The following ESYT1 variants were observed in gnomAD, a reference collection of about 807,000 sequenced individuals.
ESYT1 encodes the protein extended synaptotagmin 1.
A neutral mutation model predicts 154.2 loss-of-function variants in ESYT1; 116 were observed. That is an observed-to-expected ratio of 0.75 (90% CI 0.65 to 0.88). The LOEUF is 0.88. Among genes scored for constraint, ESYT1 ranks in the 40% least tolerant of loss-of-function variants. The probability of loss-of-function intolerance (pLI) is 0.00; values close to 1 mark genes in which losing one functional copy is unlikely to be tolerated. For synonymous variants in ESYT1, 500 were observed against 539.9 expected, an observed-to-expected ratio of 0.93 and a Z score of 1.02; for missense variants, 1,264 against 1,379.3, an observed-to-expected ratio of 0.92 and a Z score of 1.32.
rs201656600 is a variant in ESYT1 at position 56,136,863 on chromosome 12, C to T, written c.1752C>T (p.Asn584=). The T allele has an allele frequency of 4.2e-5, 67 of 1,610,240 alleles. No homozygotes were observed. The highest frequency in any genetic ancestry group is 8.5e-6 in the Non-Finnish European group (10 of 1,177,700). ...TCCAGCTCAGCAGCTCTGGTCCAAA[C>T]TCCAGACTCTATATGAAACTAGTCA... The part of the protein sequence containing the change: ...QWFQLSSSGP[N]SRLYMKLVMR... Residue 584 remains asparagine, a synonymous_variant, in exon 16 of 31, where the codon AAC becomes AAT. Transcript: ENST00000394048.
chr12:56,135,362 G>A (rs1232001031), intron 15 of ESYT1, among the ~76,000 whole-genome samples: 1 of 150,666 alleles, frequency 6.6e-6, no homozygotes, highest in East Asian at 2.1e-4. Context: ...AGTAGAGACG[G>A]GGTTTCTCCA....
At chr12:56,131,855 G>T in intron 7 of ESYT1, 51 bp downstream of exon 7, 3 of 1,579,228 alleles carry the variant, frequency 1.9e-6, no homozygotes, top group Non-Finnish European at 2.6e-6. Flanking sequence ...CTGGGTTGGG[G>T]GTTTAAGGGA....
In ESYT1 at chr12:56,137,873, A is replaced by C; in HGVS notation, c.2157A>C (p.Glu719Asp). Reference sequence around the variant, plus strand: ...TTCCAGGCCAAGAGCTAGAGGTTGAAGTCTTTGACAAGGACTTGGACAAGG... The same window carrying C: ...TTCCAGGCCAAGAGCTAGAGGTTGACGTCTTTGACAAGGACTTGGACAAGG... ...TSVPGQELEVEVFDKDLDKDD... is the reference protein window; with the variant it reads ...TSVPGQELEVDVFDKDLDKDD... Residue 719 changes from glutamate to aspartate, a missense_variant, in exon 19 of 31, where the codon GAA becomes GAC. By Grantham distance (45) the Glu-to-Asp change is conservative. Coordinates refer to ENST00000394048, the MANE Select transcript of ESYT1 (RefSeq NM_015292.3). 1.2e-6 allele frequency: 2 copies of C among 1,614,190 alleles called. No homozygotes were observed. The highest frequency in any genetic ancestry group is 1.3e-5 in the African/African-American group (1 of 75,040).
chr12:56,134,568 T>G, intron 15 of ESYT1, 140 bp downstream of exon 15: 1 of 714,776 alleles, frequency 1.4e-6, no homozygotes, highest in Non-Finnish European at 2.5e-6. Context: ...TGAATATCTC[T>G]CCATTGTTCC....
Position 56,142,818 on chromosome 12 carries a change from C to G in ESYT1, c.2889-17C>G. ...TAGGCTCTAGCTTTCCCCAGACCTA[C>G]TGATATTTCTCCACAGTCCCCTTGA... On this transcript the variant is annotated splice_polypyrimidine_tract_variant and intron_variant, in intron 26 of 30. Coordinates refer to ENST00000394048, the MANE Select transcript of ESYT1 (RefSeq NM_015292.3). The surrounding 1 kb of genome is among the most constrained non-coding windows in gnomAD (Gnocchi z 4.1). The G allele has an allele frequency of 1.2e-6, 2 of 1,614,042 alleles. No homozygotes were observed. The highest frequency in any genetic ancestry group is 1.7e-6 in the Non-Finnish European group (2 of 1,179,924).
rs78188443 is a variant in ESYT1 at position 56,138,509 on chromosome 12, C to T, written c.2433+10C>T. ...GGCAGAGGACCTCCCGGTGAGATCCCGCTCCCCATGCCCCATAACTTCCTG... is the reference window on the plus strand; with the variant it reads ...GGCAGAGGACCTCCCGGTGAGATCCTGCTCCCCATGCCCCATAACTTCCTG... On this transcript the variant is annotated intron_variant, in intron 22 of 30. Transcript: ENST00000394048. The T allele has an allele frequency of 0.011, 17,591 of 1,594,084 alleles. 124 individuals carry two copies. Among genetic ancestry groups the T allele is most frequent in the Non-Finnish European group, 0.013 (15,198 of 1,170,612 alleles).
chr12:56,143,235 TGGGAACTCCCCCTGGATGA>T lies in ESYT1; in HGVS notation c.3130_3148del (p.Glu1044ProfsTer31). ...CATCCAGTCCTACCCCAGGTTTGAG[TGGGAACTCCCCCTGGATGA>T]GGCCCAGAGACGAAAGCTGGATGTC... On this transcript the variant is annotated frameshift_variant, in exon 29 of 31. Transcript: ENST00000394048. LOFTEE classifies it high-confidence loss of function. 6.2e-7 allele frequency: 1 copy of T among 1,614,048 alleles called. No homozygotes were observed. Among genetic ancestry groups the T allele is most frequent in the Non-Finnish European group, 8.5e-7 (1 of 1,179,976 alleles).
In ESYT1 at chr12:56,133,698, G is replaced by T. The variant is rs1592245637; in HGVS notation, c.1380+24G>T. The T allele has an allele frequency of 5.6e-6, 9 of 1,613,974 alleles. No homozygotes were observed. The East Asian group carries it at 2.0e-4, about 36-fold the overall frequency. On this transcript the variant is annotated intron_variant, in intron 12 of 30. Transcript: ENST00000394048. ...AGGTAAGCCACATGGGAAATAGGAA[G>T]CTGGCAGGGGAGAAATAGGTAGCTG...
At position 56,128,500 on chromosome 12, in the gene ESYT1, C is replaced by T. The variant is rs1337438773; in HGVS notation, c.181C>T (p.Arg61Trp). The T allele has an allele frequency of 3.1e-6, 5 of 1,611,436 alleles. No individual in the cohort carries two copies. The Admixed American group carries it at 6.7e-5, about 22-fold the overall frequency. The change falls in exon 1 of 31, where the codon CGG (arginine) becomes TGG (tryptophan). Residue 61 changes from arginine to tryptophan, a missense_variant. Transcript: ENST00000394048. ...GGCGGTGCTGACTTCATTCGGGAGG[C>T]GGTTGCTGGTGCTGATACCTGTGTA... is the stretch of plus-strand genomic sequence containing the variant. Reference protein sequence around the residue: ...ALAVLTSFGRRLLVLIPVYLA... With the variant: ...ALAVLTSFGRWLLVLIPVYLA...
In ESYT1 at chr12:56,142,142, C is replaced by A. The variant is rs1870725411; in HGVS notation, c.2593-143C>A. On this transcript the variant is annotated intron_variant, in intron 24 of 30. Coordinates refer to ENST00000394048, the MANE Select transcript of ESYT1 (RefSeq NM_015292.3). This position sits in a 1 kb window ranked among gnomAD's most constrained non-coding sequence, Gnocchi z 4.1. ...GAAGGACAGAGGGAGGGACTAGCAA[C>A]TGTTACCATGGCTTCCCTGCCTTTC... 2 of 881,930 alleles carry A rather than the reference C, an allele frequency of 2.3e-6. No individual in the cohort carries two copies. The highest frequency in any genetic ancestry group is 3.5e-6 in the Non-Finnish European group (2 of 576,576). 54.6% of individuals were successfully genotyped at this position (881,930 alleles called of 1,614,324 possible). A position where few individuals can be genotyped will look rare whatever the true frequency, so the allele number is the denominator to read the frequency against.
chr12:56,142,623 T>C lies in ESYT1; in HGVS notation c.2779T>C (p.Tyr927His). The C allele has an allele frequency of 6.2e-7, 1 of 1,613,930 alleles. No homozygotes were observed. Among genetic ancestry groups the C allele is most frequent in the Non-Finnish European group, 8.5e-7 (1 of 1,180,010 alleles). Residue 927 changes from tyrosine to histidine, a missense_variant, in exon 26 of 31, where the codon TAC becomes CAC. Transcript: ENST00000394048. This position sits in a 1 kb window ranked among gnomAD's most constrained non-coding sequence, Gnocchi z 4.1. ...GGGAGTGGAAGCTCATAGCCACAGC[T>C]ACAGCCACAGCTCCTCATCGCTGAG... is the stretch of plus-strand genomic sequence containing the variant. ...HSGVEAHSHS[Y>H]SHSSSSLSEE... is the part of the protein sequence containing the mutation.
Position 56,137,534 on chromosome 12 carries a change from C to T in ESYT1, c.1974C>T (p.Asp658=). ...VLRIHVLEAQ[D]LIAKDRFLGG... ...GGATCCATGTATTAGAGGCCCAGGA[C>T]CTGATTGCCAAAGACCGTTTCTTGG... Residue 658 remains aspartate (D), a synonymous_variant, in exon 18 of 31, where the codon GAC becomes GAT. Transcript: ENST00000394048. 1 of 1,614,036 alleles carries T rather than the reference C, an allele frequency of 6.2e-7. No homozygotes were observed. Among genetic ancestry groups the T allele is most frequent in the East Asian group, 2.2e-5 (1 of 44,882 alleles).
rs1436299094 is a variant in ESYT1 at position 56,142,844 on chromosome 12, G to A, written c.2898G>A (p.Glu966=). 4 of 1,614,098 alleles carry A rather than the reference G, an allele frequency of 2.5e-6. No individual in the cohort carries two copies. The highest frequency in any genetic ancestry group is 3.4e-6 in the Non-Finnish European group (4 of 1,180,056). Residue 966 remains glutamate, a synonymous_variant, in exon 27 of 31, where the codon GAG becomes GAA. Transcript: ENST00000394048. This position sits in a 1 kb window ranked among gnomAD's most constrained non-coding sequence, Gnocchi z 4.1. ...QRLTHVDSPL[E]APAGPLGQVK... The stretch of plus-strand genomic sequence containing the variant: ...TGATATTTCTCCACAGTCCCCTTGA[G>A]GCTCCAGCCGGGCCTCTGGGCCAGG...
chr12:56,131,097 C>A lies in ESYT1; in HGVS notation c.625C>A (p.Leu209Met). The A allele has an allele frequency of 6.2e-7, 1 of 1,614,120 alleles. No individual in the cohort carries two copies. The highest frequency in any genetic ancestry group is 8.5e-7 in the Non-Finnish European group (1 of 1,180,012). ...HPGQRKEQIL[L>M]DLNISYVGDV... ...AGGTCAGAGAAAAGAGCAGATCCTG[C>A]TGGACTTGAACATCAGGTAATACCA... Residue 209 changes from leucine to methionine, a missense_variant, in exon 4 of 31, where the codon CTG (leucine) becomes ATG (methionine). Coordinates refer to ENST00000394048, the MANE Select transcript of ESYT1 (RefSeq NM_015292.3).
chr12:56,141,438 T>C (rs1234871954), intron 24 of ESYT1, among the ~76,000 whole-genome samples: 1 of 152,216 alleles, frequency 6.6e-6, no homozygotes, highest in Non-Finnish European at 1.5e-5. Flanking sequence ...TAGGTATTAC[T>C]GGTATAATTT....
rs1330025966 is a variant in ESYT1 at position 56,131,062 on chromosome 12, A to C, written c.590A>C (p.Lys197Thr). ...GEKPLRIIGV[K>T]VHPGQRKEQI... ...TAGCCATTGCGCATCATTGGAGTCA[A>C]GGTTCACCCAGGTCAGAGAAAAGAG... is the stretch of plus-strand genomic sequence containing the variant. The change falls in exon 4 of 31, where the codon AAG (lysine) becomes ACG (threonine). Residue 197 changes from lysine (K) to threonine (T), a missense_variant. Lys to Thr is a moderately conservative substitution (Grantham distance 78). Coordinates refer to ENST00000394048, the MANE Select transcript of ESYT1 (RefSeq NM_015292.3). The C allele has an allele frequency of 6.2e-7, 1 of 1,614,044 alleles. No homozygotes were observed. Among genetic ancestry groups the C allele is most frequent in the African/African-American group, 1.3e-5 (1 of 74,916 alleles).
At chr12:56,139,372 A>G (rs545781800) in intron 24 of ESYT1, among the ~76,000 whole-genome samples, 1 of 152,094 alleles carries the variant, frequency 6.6e-6, no homozygotes, top group Non-Finnish European at 1.5e-5. Flanking sequence ...TCGGCCTCCC[A>G]AAGTGCTGGA....
chr12:56,138,614 T>C (rs1258929609), intron 22 of ESYT1, 115 bp downstream of exon 22: 4 of 1,286,434 alleles, frequency 3.1e-6, no homozygotes, highest in East Asian at 4.6e-5. Context: ...TTTCTGAGGG[T>C]AGTGCAGGGG....
rs776009917 is a variant in ESYT1, at chr12:56,131,225, CT to C, written c.642-17del. The C allele has an allele frequency of 1.1e-5, 18 of 1,614,198 alleles. No homozygotes were observed. In the African/African-American group the frequency reaches 1.9e-4, roughly 17 times the overall value. ...GCCAAGGACTAACTCTCTTGGTTCT[CT>C]TCTTCACCAATCCCCAGCTATGTAG... On this transcript the variant is annotated intron_variant, in intron 4 of 30. Transcript: ENST00000394048.
Sources: allele counts gnomAD v4.1 joint callset (sites outside exome capture counted in the v4.1 genomes callset), GRCh38; gene constraint gnomAD v4.1.1; non-coding constraint Gnocchi (gnomAD v3.1); transcripts MANE v1.5; gene names NCBI Gene and HGNC (gene_info 2026-07-23, HGNC 2026-07-21).